The following KCTD16 variants were observed in gnomAD, a reference collection of about 807,000 sequenced individuals.
KCTD16 encodes the protein BTB/POZ domain-containing protein KCTD16.
KCTD16 carries 13 observed loss-of-function variants against 33.2 expected under a neutral mutation model. The ratio of observed to expected loss-of-function variants is 0.39; its 90% CI spans 0.25 to 0.62. KCTD16 has a LOEUF of 0.62. Among genes scored for constraint, KCTD16 ranks in the 20% least tolerant of loss-of-function variants. The pLI, the probability that KCTD16 is intolerant of heterozygous loss-of-function variation, is 0.50. For missense variants in KCTD16, 441 were observed against 525.1 expected, an observed-to-expected ratio of 0.84 and a Z score of 1.57; for synonymous variants, 197 against 195.3, an observed-to-expected ratio of 1.01 and a Z score of -0.07.
chr5:144,284,074 A>C (rs947239453), intron 3 of KCTD16, among the ~76,000 whole-genome samples: 4 of 152,168 alleles, frequency 2.6e-5, no homozygotes, highest in African/African-American at 9.7e-5. Flanking sequence ...TGATAAAGTC[A>C]CTAGTTAACT....
chr5:144,180,068 G>A (rs999505795), intron 2 of KCTD16, among the ~76,000 whole-genome samples: 2 of 152,166 alleles, frequency 1.3e-5, no homozygotes, highest in South Asian at 2.1e-4. Flanking sequence ...TACAAGCCAG[G>A]ATCACCATTC....
rs1175664862 is a variant in KCTD16, at chr5:144,299,096, GTATATATATATATATA to G, written c.832+91588_832+91603del. Among the ~76,000 whole-genome samples, 29 of 10,782 alleles carry G rather than the reference GTATATATATATATATA, an allele frequency of 2.7e-3. 4 individuals carry two copies. Among genetic ancestry groups the G allele is most frequent in the Non-Finnish European group, 4.1e-3 (23 of 5,554 alleles). 7.1% of individuals were successfully genotyped at this position (10,782 alleles called of 152,430 possible). A position where few individuals can be genotyped will look rare whatever the true frequency, so the allele number is the denominator to read the frequency against. ...TATTTTTGTATATATATATCACTAT[GTATATATATATATATA>G]TATATATATATATATATATATATAT... On this transcript the variant is annotated intron_variant, in intron 3 of 3. Transcript: ENST00000512467.
intron 3 of KCTD16, among the ~76,000 whole-genome samples, chr5:144,300,777 G>A (rs952606307): frequency 1.3e-5 from 2 of 152,132 alleles, no homozygotes; most frequent in Non-Finnish European, 2.9e-5. Flanking sequence ...TAAATACTTT[G>A]TCTTAAGCAC....
At chr5:144,435,740 T>G (rs1753560872) in intron 3 of KCTD16, among the ~76,000 whole-genome samples, 1 of 152,164 alleles carries the variant, frequency 6.6e-6, no homozygotes, top group Non-Finnish European at 1.5e-5. Context: ...CTTCTCTTTG[T>G]GCTTTTGCCA....
chr5:144,429,721 A>T (rs1416980668), intron 3 of KCTD16, among the ~76,000 whole-genome samples: 25 of 152,092 alleles, frequency 1.6e-4, no homozygotes, highest in Admixed American at 1.6e-3. Flanking sequence ...AAAAGTTGGT[A>T]TTATGAGTGA....
chr5:144,282,041 T>C (rs1438753731), intron 3 of KCTD16, among the ~76,000 whole-genome samples: 1 of 152,166 alleles, frequency 6.6e-6, no homozygotes, highest in Non-Finnish European at 1.5e-5. Flanking sequence ...ATCTCTGAAA[T>C]GATAAGAATG....
At chr5:144,210,341 C>T (rs1753344141) in intron 3 of KCTD16, among the ~76,000 whole-genome samples, 1 of 152,058 alleles carries the variant, frequency 6.6e-6, no homozygotes, top group East Asian at 1.9e-4. Flanking sequence ...CTACATCACT[C>T]ACACACCAAA....
chr5:144,220,175 A>AT (rs1337711322), intron 3 of KCTD16, among the ~76,000 whole-genome samples: 1 of 151,362 alleles, frequency 6.6e-6, no homozygotes, highest in East Asian at 1.9e-4. Flanking sequence ...TCCACTTCTC[A>AT]TTTTTCTGAG....
intron 3 of KCTD16, among the ~76,000 whole-genome samples, chr5:144,397,174 T>G (rs180891779): frequency 2.8e-4 from 42 of 149,222 alleles, no homozygotes; most frequent in Admixed American, 2.0e-3. Flanking sequence ...AAATGCAGTG[T>G]TTGGTTTTTT....
intron 1 of KCTD16, among the ~76,000 whole-genome samples, chr5:144,171,465 T>G (rs1752381600): frequency 1.3e-5 from 2 of 152,220 alleles, no homozygotes. Flanking sequence ...TTCAGCATTA[T>G]TAACATTTTG....
chr5:144,367,582 G>T (rs1038878927), intron 3 of KCTD16, among the ~76,000 whole-genome samples: 1 of 152,022 alleles, frequency 6.6e-6, no homozygotes, highest in Admixed American at 6.6e-5. Flanking sequence ...CCCCAAGGAG[G>T]TCACAACTTA....
At chr5:144,340,209 T>C (rs1752594514) in intron 3 of KCTD16, among the ~76,000 whole-genome samples, 1 of 151,702 alleles carries the variant, frequency 6.6e-6, no homozygotes, top group Non-Finnish European at 1.5e-5. Context: ...GGTCAGGAGA[T>C]GGAGACCACA....
At chr5:144,467,917 TC>T (rs1754384232) in intron 3 of KCTD16, among the ~76,000 whole-genome samples, 1 of 152,146 alleles carries the variant, frequency 6.6e-6, no homozygotes, top group South Asian at 2.1e-4. Context: ...ACTACACTTT[TC>T]CTTTGCCCAG....
At chr5:144,381,760 C>A (rs925104873) in intron 3 of KCTD16, among the ~76,000 whole-genome samples, 1 of 152,120 alleles carries the variant, frequency 6.6e-6, no homozygotes, top group African/African-American at 2.4e-5. Flanking sequence ...TTGGAAATGA[C>A]AATTCAACAT....
chr5:144,300,355 T>C (rs1751398867), intron 3 of KCTD16, among the ~76,000 whole-genome samples: 1 of 152,192 alleles, frequency 6.6e-6, no homozygotes, highest in African/African-American at 2.4e-5. Context: ...ATATCTCTTC[T>C]CCCGAATTCT....
At chr5:144,203,440 A>T (rs1026487949) in intron 2 of KCTD16, among the ~76,000 whole-genome samples, 1 of 152,156 alleles carries the variant, frequency 6.6e-6, no homozygotes, top group Non-Finnish European at 1.5e-5. Flanking sequence ...GAGGATGGTT[A>T]TCCTGAAGAG....
At chr5:144,417,355 T>A (rs1753081894) in intron 3 of KCTD16, among the ~76,000 whole-genome samples, 1 of 152,146 alleles carries the variant, frequency 6.6e-6, no homozygotes. Context: ...TTCATTTGCA[T>A]TTCCCTAATG....
rs548071924 is a variant in KCTD16, at chr5:144,200,291, T to C, written c.-326-6098T>C. Among the ~76,000 whole-genome samples the C allele has an allele frequency of 7.2e-5, 11 of 152,276 alleles. No individual in the cohort carries two copies. The South Asian group carries it at 2.3e-3, about 32-fold the overall frequency. On this transcript the variant is annotated intron_variant, in intron 2 of 3. Coordinates refer to ENST00000512467, the MANE Select transcript of KCTD16 (RefSeq NM_020768.4). ...CATTTGTATTTTATGACAGTGGAAATCAGGAGTATTTTCAGGGAGAAACTG... is the reference window on the plus strand; with the variant it reads ...CATTTGTATTTTATGACAGTGGAAACCAGGAGTATTTTCAGGGAGAAACTG...
intron 3 of KCTD16, among the ~76,000 whole-genome samples, chr5:144,451,490 A>T (rs1017819566): frequency 6.6e-6 from 1 of 152,152 alleles, no homozygotes. Flanking sequence ...ATTACAGGTT[A>T]AAAATGACAA....
Sources: allele counts gnomAD v4.1 joint callset (sites outside exome capture counted in the v4.1 genomes callset), GRCh38; gene constraint gnomAD v4.1.1; transcripts MANE v1.5; gene names NCBI Gene and HGNC (gene_info 2026-07-23, HGNC 2026-07-21).